The following PTPN3 variants were observed in gnomAD, a reference collection of about 807,000 sequenced individuals.
PTPN3 encodes the protein tyrosine-protein phosphatase non-receptor type 3.
Under a neutral mutation model 132.7 loss-of-function variants are expected in PTPN3, and 96 were observed. That is an observed-to-expected ratio of 0.72 (90% CI 0.61 to 0.86). The LOEUF (loss-of-function observed/expected upper bound fraction) is 0.86. PTPN3 is among the 40% of genes least tolerant of loss of function. PTPN3 has a pLI of 0.00. For synonymous variants in PTPN3, 398 were observed against 429.0 expected, an observed-to-expected ratio of 0.93 and a Z score of 0.89; for missense variants, 1,125 against 1,159.6, an observed-to-expected ratio of 0.97 and a Z score of 0.43.
intron 25 of PTPN3, among the ~76,000 whole-genome samples, chr9:109,380,214 A>AATCAATCTATCTATCT (rs376388495): frequency 6.2e-5 from 9 of 145,902 alleles, no homozygotes; most frequent in African/African-American, 2.0e-4. Context: ...CAGCTAGGAA[A>AATCAATCTATCTATCT]ATCTATCTAT....
chr9:109,444,252 C>T (rs1383871273), intron 7 of PTPN3, among the ~76,000 whole-genome samples: 1 of 152,174 alleles, frequency 6.6e-6, no homozygotes, highest in East Asian at 1.9e-4. Flanking sequence ...ACTGTACTGC[C>T]ACCACAAAGC....
chr9:109,442,704 G>T (rs866508669), intron 7 of PTPN3, among the ~76,000 whole-genome samples: 1 of 152,300 alleles, frequency 6.6e-6, no homozygotes, highest in East Asian at 1.9e-4. Context: ...CACTTGACAC[G>T]TGCCATGCAC....
Position 109,391,127 on chromosome 9 carries a change from T to C in PTPN3, c.2106+11A>G. On this transcript the variant is annotated intron_variant, in intron 21 of 25. Coordinates refer to ENST00000374541, the MANE Select transcript of PTPN3 (RefSeq NM_002829.4). ...ATGTGCTCTTAAGCATCATCCAGAT[T>C]CCTAACTTACGTTCACGTAACTTGC... The C allele has an allele frequency of 6.2e-7, 1 of 1,609,176 alleles. No homozygotes were observed. The highest frequency in any genetic ancestry group is 8.5e-7 in the Non-Finnish European group (1 of 1,175,774).
chr9:109,457,445 G>C, intron 2 of PTPN3, 46 bp from the exon 3 acceptor site: 2 of 1,509,500 alleles, frequency 1.3e-6, no homozygotes, highest in Non-Finnish European at 1.8e-6. Context: ...TAAATTAATT[G>C]GTGGTAAAAA....
At chr9:109,429,229 T>C (rs935744688) in intron 10 of PTPN3, among the ~76,000 whole-genome samples, 4 of 152,182 alleles carry the variant, frequency 2.6e-5, no homozygotes, top group South Asian at 4.1e-4. Flanking sequence ...AAAGTACATA[T>C]TGTTATACCC....
At chr9:109,456,781 G>A (rs1845588029) in intron 4 of PTPN3, among the ~76,000 whole-genome samples, 1 of 152,176 alleles carries the variant, frequency 6.6e-6, no homozygotes, top group Non-Finnish European at 1.5e-5. Context: ...TCGGTTTTCC[G>A]TGAACGCGAC....
At chr9:109,416,849 G>A (rs1842543174) in intron 14 of PTPN3, among the ~76,000 whole-genome samples, 2 of 152,184 alleles carry the variant, frequency 1.3e-5, no homozygotes. Flanking sequence ...ATGCAGGCAT[G>A]AAGCCCCATC....
chr9:109,431,526 C>A (rs1160277699), intron 10 of PTPN3, among the ~76,000 whole-genome samples: 1 of 152,222 alleles, frequency 6.6e-6, no homozygotes, highest in Non-Finnish European at 1.5e-5. Context: ...ACCAAGCAGG[C>A]TGGAGTTTCT....
chr9:109,419,040 C>T (rs1842715133), intron 14 of PTPN3, among the ~76,000 whole-genome samples: 1 of 152,232 alleles, frequency 6.6e-6, no homozygotes, highest in Non-Finnish European at 1.5e-5. Flanking sequence ...GTTTGAAAAG[C>T]TACAAAGTCA....
intron 4 of PTPN3, among the ~76,000 whole-genome samples, 195 bp downstream of exon 4, chr9:109,456,978 C>T (rs1191575745): frequency 2.0e-5 from 3 of 152,040 alleles, no homozygotes; most frequent in South Asian, 4.2e-4. Flanking sequence ...ACAGCTGGGG[C>T]GGATCCTAGA....
At chr9:109,455,601 G>A (rs940246790) in intron 4 of PTPN3, among the ~76,000 whole-genome samples, 2 of 152,228 alleles carry the variant, frequency 1.3e-5, no homozygotes, top group African/African-American at 4.8e-5. Context: ...AGCGGATGGC[G>A]CTATGACAAT....
rs1838833960 is a variant in PTPN3 at position 109,379,398 on chromosome 9, A to T, written c.*158T>A. ...CTTATCTACACCAGTTCCTATGTAC[A>T]CGATATCTTTTCTATAGAAGTTTAA... On this transcript the variant is annotated 3_prime_UTR_variant, in exon 26 of 26. Coordinates refer to ENST00000374541, the MANE Select transcript of PTPN3 (RefSeq NM_002829.4). 1.6e-6 allele frequency: 1 copy of T among 630,068 alleles called. No individual in the cohort carries two copies. The highest frequency in any genetic ancestry group is 2.8e-6 in the Non-Finnish European group (1 of 356,438). The allele number at this position is 630,068 out of a possible 1,614,324, so 39.0% of individuals were successfully genotyped here.
chr9:109,509,747 C>T, the PTPN3 span, among the ~76,000 whole-genome samples: 1 of 152,136 alleles, frequency 6.6e-6, no homozygotes, highest in Non-Finnish European at 1.5e-5. Context: ...AATAATTTCC[C>T]AACAGTGTTA....
intron 18 of PTPN3, 122 bp from the exon 19 acceptor site, chr9:109,404,730 T>C (rs1026548082): frequency 3.6e-6 from 4 of 1,112,590 alleles, no homozygotes; most frequent in Non-Finnish European, 2.3e-6. Flanking sequence ...TATTAAATGA[T>C]TAAGCTACAT....
the PTPN3 span, among the ~76,000 whole-genome samples, chr9:109,514,799 A>G: frequency 1.3e-5 from 2 of 152,140 alleles, no homozygotes; most frequent in African/African-American, 4.8e-5. Flanking sequence ...GCTTTGGCCA[A>G]TGGGATGTTA....
intron 22 of PTPN3, among the ~76,000 whole-genome samples, chr9:109,385,697 G>C (rs747077152): frequency 1.3e-5 from 2 of 152,212 alleles, no homozygotes; most frequent in Non-Finnish European, 2.9e-5. Context: ...GCAAAGCTGA[G>C]CATATAAGAG....
At chr9:109,436,031 C>T (rs958627143) in intron 9 of PTPN3, among the ~76,000 whole-genome samples, 1 of 152,238 alleles carries the variant, frequency 6.6e-6, no homozygotes, top group African/African-American at 2.4e-5. Context: ...ATCTATAAAA[C>T]GGGAATAACT....
chr9:109,495,200 C>A (rs755823947), intron 1 of PTPN3, among the ~76,000 whole-genome samples: 12 of 152,208 alleles, frequency 7.9e-5, no homozygotes, highest in Admixed American at 3.9e-4. Flanking sequence ...CCCTTCCAGA[C>A]CAGGGTATGT....
chr9:109,430,271 G>C (rs906755105), intron 10 of PTPN3, among the ~76,000 whole-genome samples: 1 of 152,118 alleles, frequency 6.6e-6, no homozygotes, highest in Non-Finnish European at 1.5e-5. Context: ...CCCCTTTTGA[G>C]TTCTTACCTT....
Sources: allele counts gnomAD v4.1 joint callset (sites outside exome capture counted in the v4.1 genomes callset), GRCh38; gene constraint gnomAD v4.1.1; transcripts MANE v1.5; gene names NCBI Gene and HGNC (gene_info 2026-07-23, HGNC 2026-07-21).